Variants in PRKCSH observed in about 807,000 individuals in gnomAD.
PRKCSH encodes the protein PRKCSH beta subunit of glucosidase II, also known as glucosidase 2 subunit beta.
Under a neutral mutation model 79.7 loss-of-function variants are expected in PRKCSH, and 42 were observed. That is an observed-to-expected ratio of 0.53 (90% CI 0.41 to 0.68). PRKCSH has a LOEUF of 0.68. Ranked by LOEUF, PRKCSH falls within the 30% of genes least tolerant of loss-of-function variation. PRKCSH has a pLI of 0.00. For synonymous variants in PRKCSH, 325 were observed against 288.2 expected, an observed-to-expected ratio of 1.13 and a Z score of -1.29; for missense variants, 686 against 709.0, an observed-to-expected ratio of 0.97 and a Z score of 0.37.
Position 11,448,411 on chromosome 19 carries a change from G to C in PRKCSH, c.1196+120G>C. 1 of 1,456,238 alleles carries C rather than the reference G, an allele frequency of 6.9e-7. No individual in the cohort carries two copies. Among genetic ancestry groups the C allele is most frequent in the East Asian group, 2.3e-5 (1 of 43,216 alleles). 90.2% of individuals were successfully genotyped at this position (1,456,238 alleles called of 1,614,324 possible). On this transcript the variant is annotated intron_variant, in intron 13 of 17. Coordinates refer to ENST00000677123, the MANE Select transcript of PRKCSH (RefSeq NM_001289104.2). The surrounding 1 kb of genome is among the most constrained non-coding windows in gnomAD (Gnocchi z 4.4). ...AGGCTGGGCCTGGTCCCTGCAGGGAGGGTCCCTGGGAGGTGGCAGGGAGGA... is the reference window on the plus strand; with the variant it reads ...AGGCTGGGCCTGGTCCCTGCAGGGACGGTCCCTGGGAGGTGGCAGGGAGGA...
chr19:11,448,146 C>A lies in PRKCSH; in HGVS notation c.1127-76C>A. Reference sequence around the variant, plus strand: ...AAAATGAGGGTATGGGAGCACACAGCCACATCCATGGAACCCCGTTCCCCA... The same window carrying A: ...AAAATGAGGGTATGGGAGCACACAGACACATCCATGGAACCCCGTTCCCCA... On this transcript the variant is annotated intron_variant, in intron 12 of 17. Transcript: ENST00000677123. This position sits in a 1 kb window ranked among gnomAD's most constrained non-coding sequence, Gnocchi z 4.4. The A allele has an allele frequency of 1.4e-6, 2 of 1,429,988 alleles. No homozygotes were observed. Among genetic ancestry groups the A allele is most frequent in the Non-Finnish European group, 9.6e-7 (1 of 1,037,348 alleles). 88.6% of individuals were successfully genotyped at this position (1,429,988 alleles called of 1,614,324 possible). A position where few individuals can be genotyped will look rare whatever the true frequency, so the allele number is the denominator to read the frequency against.
At position 11,446,151 on chromosome 19, in the gene PRKCSH, G is replaced by C. The variant is rs879118582; in HGVS notation, c.684-121G>C. ...GGGTGGGGAGGCCCCTACACCTTGAGGTCCTGAAGCAAGTTCCAGGGTGGG... is the reference window on the plus strand; with the variant it reads ...GGGTGGGGAGGCCCCTACACCTTGACGTCCTGAAGCAAGTTCCAGGGTGGG... On this transcript the variant is annotated intron_variant, in intron 8 of 17. Coordinates refer to ENST00000677123, the MANE Select transcript of PRKCSH (RefSeq NM_001289104.2). 13 of 1,041,472 alleles carry C rather than the reference G, an allele frequency of 1.2e-5. No homozygotes were observed. The South Asian group carries it at 1.7e-4, about 14-fold the overall frequency. The allele number at this position is 1,041,472 out of a possible 1,614,324, so 64.5% of individuals were successfully genotyped here.
chr19:11,439,683 C>T (rs1195950766), intron 5 of PRKCSH, among the ~76,000 whole-genome samples: 1 of 138,488 alleles, frequency 7.2e-6, no homozygotes, highest in African/African-American at 2.7e-5. Context: ...TGCAGTGGCG[C>T]GATCTCGGCT....
chr19:11,436,076 C>T lies in PRKCSH; in HGVS notation c.-42C>T, dbSNP rs1234628552. On this transcript the variant is annotated 5_prime_UTR_variant, in exon 2 of 18. Coordinates refer to ENST00000677123, the MANE Select transcript of PRKCSH (RefSeq NM_001289104.2). ...CAGCGCATCTCCCCGCTGTAGGCTT[C>T]CTCCCACAGAACCCGTTTCGGGCCT... 7 of 1,602,798 alleles carry T rather than the reference C, an allele frequency of 4.4e-6. No homozygotes were observed. The highest frequency in any genetic ancestry group is 2.2e-5 in the East Asian group (1 of 44,884).
In PRKCSH at chr19:11,447,694, AG is replaced by A; in HGVS notation, c.1033del (p.Ala345ProfsTer47). 1 of 1,570,316 alleles carries A rather than the reference AG, an allele frequency of 6.4e-7. No individual in the cohort carries two copies. The highest frequency in any genetic ancestry group is 8.6e-7 in the Non-Finnish European group (1 of 1,156,304). ...DSEVQGEQPK[E>X]APPPLSPPQP... ...TCACTGACCCTGCCCCTGCCCCAGG[AG>A]GCCCCACCGCCACTGTCACCCCCGC... On this transcript the variant is annotated frameshift_variant and splice_region_variant, in exon 12 of 18. Coordinates refer to ENST00000677123, the MANE Select transcript of PRKCSH (RefSeq NM_001289104.2). LOFTEE classifies it high-confidence loss of function. The surrounding 1 kb of genome is among the most constrained non-coding windows in gnomAD (Gnocchi z 5.6).
intron 5 of PRKCSH, 39 bp downstream of exon 5, chr19:11,438,163 A>T: frequency 6.2e-7 from 1 of 1,609,794 alleles, no homozygotes; most frequent in African/African-American, 1.3e-5. Flanking sequence ...ACCCCACCCC[A>T]AGACTTTGCC....
In PRKCSH at chr19:11,437,890, C is replaced by A. The variant is rs1189355788; in HGVS notation, c.211C>A (p.Pro71Thr). The change falls in exon 4 of 18, where the codon CCT becomes ACT. Residue 71 changes from proline (P) to threonine (T), a missense_variant. Around this residue, in one of 2 missense-constraint regions of PRKCSH, gnomAD observed 549 missense variants for 520.2 expected, o/e 1.06. Transcript: ENST00000677123. ...GSDEPGTAACPNGSFHCTNTG... is the reference protein window; with the variant it reads ...GSDEPGTAACTNGSFHCTNTG... The stretch of plus-strand genomic sequence containing the variant: ...CTTCCTCACAGGCACGGCTGCCTGT[C>A]CTAATGGCAGCTTCCACTGCACCAA... The A allele has an allele frequency of 6.2e-7, 1 of 1,614,168 alleles. No homozygotes were observed. The highest frequency in any genetic ancestry group is 8.5e-7 in the Non-Finnish European group (1 of 1,180,010).
chr19:11,435,942 G>A (rs1484610865), intron 1 of PRKCSH, 99 bp from the exon 2 acceptor site: 5 of 1,015,972 alleles, frequency 4.9e-6, no homozygotes, highest in African/African-American at 1.6e-5. Context: ...CCCCCATATC[G>A]GAAACAAAGT....
chr19:11,441,149 G>T, intron 5 of PRKCSH, 91 bp from the exon 6 acceptor site: 1 of 1,266,398 alleles, frequency 7.9e-7, no homozygotes, highest in Non-Finnish European at 1.2e-6. Flanking sequence ...CTTGGTGGGG[G>T]GCCACAGCTG....
Position 11,449,452 on chromosome 19 carries a change from T to A in PRKCSH, c.*16+24T>A, listed in dbSNP as rs1268594061. ...AGGTGGGCGGGGAGGTGGAGTCTCG[T>A]CGGCCTGCCCCAGCAAGGGGAGGCG... On this transcript the variant is annotated intron_variant, in intron 17 of 17. Transcript: ENST00000677123. This position sits in a 1 kb window ranked among gnomAD's most constrained non-coding sequence, Gnocchi z 6.4. 6.2e-7 allele frequency: 1 copy of A among 1,612,120 alleles called. No individual in the cohort carries two copies. Among genetic ancestry groups the A allele is most frequent in the Non-Finnish European group, 8.5e-7 (1 of 1,179,594 alleles).
intron 5 of PRKCSH, among the ~76,000 whole-genome samples, chr19:11,440,449 G>C (rs1970009512): frequency 6.7e-6 from 1 of 150,034 alleles, no homozygotes; most frequent in African/African-American, 2.5e-5. Context: ...ACCGCCCCTG[G>C]CCCACACTTT....
intron 7 of PRKCSH, among the ~76,000 whole-genome samples, chr19:11,444,793 G>GTCTCCCTCCCTGTATCCTCCCCA (rs1349604210): frequency 1.3e-5 from 2 of 151,994 alleles, no homozygotes; most frequent in Non-Finnish European, 1.5e-5. Context: ...CCCAGGACCG[G>GTCTCCCTCCCTGTATCCTCCCCA]TCTCCCTCCC....
intron 8 of PRKCSH, chr19:11,445,748 C>T: frequency 1.9e-6 from 1 of 535,194 alleles, no homozygotes; most frequent in South Asian, 2.0e-5. Context: ...GATCGGATGG[C>T]TTTTCCCAGC....
intron 5 of PRKCSH, among the ~76,000 whole-genome samples, chr19:11,440,702 C>T (rs531840841): frequency 6.6e-6 from 1 of 152,256 alleles, no homozygotes; most frequent in South Asian, 2.1e-4. Context: ...ATCCGCCCGC[C>T]TTGGCCTCCC....
At position 11,446,491 on chromosome 19, in the gene PRKCSH, G is replaced by C. The variant is rs531722059; in HGVS notation, c.762+141G>C. 1.2e-5 allele frequency: 12 copies of C among 1,028,734 alleles called. No individual in the cohort carries two copies. The African/African-American group carries it at 1.9e-4, about 16-fold the overall frequency. The allele number at this position is 1,028,734 out of a possible 1,614,324, so 63.7% of individuals were successfully genotyped here. ...GGTGAGCTGGGATGGCAGCCACTCA[G>C]GGCCGCTTCCCGCCTGGCAGGACCC... On this transcript the variant is annotated intron_variant, in intron 9 of 17. Coordinates refer to ENST00000677123, the MANE Select transcript of PRKCSH (RefSeq NM_001289104.2).
In PRKCSH at chr19:11,447,134, G is replaced by A. The variant is rs142339453; in HGVS notation, c.823G>A (p.Ala275Thr). Residue 275 changes from alanine to threonine, a missense_variant, in exon 10 of 18, where the codon GCC becomes ACC. By Grantham distance (58) the Ala-to-Thr change is moderately conservative. Transcript: ENST00000677123. This position sits in a 1 kb window ranked among gnomAD's most constrained non-coding sequence, Gnocchi z 5.6. The stretch of plus-strand genomic sequence containing the variant: ...CTCTTTCTACGACCGCGTCTGGGCC[G>A]CCATCAGGGACAAGTACCGGTCCGA... ...ATSFYDRVWA[A>T]IRDKYRSEAL... is the part of the protein sequence containing the mutation. 157 of 1,613,944 alleles carry A rather than the reference G, an allele frequency of 9.7e-5. No individual in the cohort carries two copies. In the Middle Eastern group the frequency reaches 9.9e-4, roughly 10 times the overall value.
At position 11,440,398 on chromosome 19, in the gene PRKCSH, C is replaced by T. The variant is rs190839662; in HGVS notation, c.351-842C>T. On this transcript the variant is annotated intron_variant, in intron 5 of 17. Transcript: ENST00000677123. ...CGATCTCCTGACCTTGTGATCTGCC[C>T]GCCTCGGTCTCCCAAAGTGCTGGGA... 7.0e-3 allele frequency among the ~76,000 whole-genome samples: 1,060 copies of T among 151,878 alleles called. 14 individuals are homozygous for T. The highest frequency in any genetic ancestry group is 0.022 in the African/African-American group (926 of 41,378).
intron 5 of PRKCSH, chr19:11,440,987 G>T: frequency 4.3e-6 from 2 of 461,254 alleles, no homozygotes; most frequent in Non-Finnish European, 8.1e-6. Flanking sequence ...CTTGAGAGTT[G>T]ATATCTAGCT....
At position 11,436,129 on chromosome 19, in the gene PRKCSH, G is replaced by C. The variant is rs1440235981; in HGVS notation, c.12G>C (p.Pro4=). Residue 4 remains proline (P), a synonymous_variant, in exon 2 of 18, where the codon CCG becomes CCC. Coordinates refer to ENST00000677123, the MANE Select transcript of PRKCSH (RefSeq NM_001289104.2). MLL[P]LLLLLPMCWA... ...GAGCGTCTGGTGAGATGCTGTTGCC[G>C]CTGCTGCTGCTGCTACCCATGTGCT... is the stretch of plus-strand genomic sequence containing the variant. The C allele has an allele frequency of 3.7e-6, 6 of 1,604,938 alleles. No homozygotes were observed. The highest frequency in any genetic ancestry group is 5.1e-6 in the Non-Finnish European group (6 of 1,178,216).
Sources: gnomAD v4.1 joint callset for allele counts (sites outside exome capture counted in the v4.1 genomes callset) on GRCh38, gnomAD v4.1.1 for gene constraint, gnomAD v4.1.1 regional missense constraint, Gnocchi (gnomAD v3.1) non-coding constraint, MANE v1.5 for transcripts, NCBI Gene and HGNC (gene_info 2026-07-23, HGNC 2026-07-21) for gene names.